CA10: variants seen among roughly 807,000 people sequenced by gnomAD.
The protein encoded by CA10 is carbonic anhydrase 10 (inactive).
A neutral mutation model predicts 44.2 loss-of-function variants in CA10; 14 were observed. The ratio of observed to expected loss-of-function variants is 0.32; its 90% CI spans 0.21 to 0.50. CA10 has a LOEUF of 0.50. Among genes scored for constraint, CA10 ranks in the 20% least tolerant of loss-of-function variants. CA10 has a pLI of 0.99. For missense variants in CA10, 350 were observed against 409.7 expected (o/e 0.85, Z 1.26); for synonymous variants, 159 against 141.6 (o/e 1.12, Z -0.87).
At chr17:51,736,413 A>G (rs940536706) in intron 4 of CA10, among the ~76,000 whole-genome samples, 1 of 152,190 alleles carries the variant, frequency 6.6e-6, no homozygotes, top group Non-Finnish European at 1.5e-5. Flanking sequence ...TCCACACACA[A>G]TTAGTCTTTC....
chr17:52,112,219 G>A (rs1467516260), intron 1 of CA10, among the ~76,000 whole-genome samples: 1 of 151,828 alleles, frequency 6.6e-6, no homozygotes, highest in East Asian at 1.9e-4. Flanking sequence ...AATTTGGTAT[G>A]GGCAATACAA....
At chr17:51,788,652 C>T (rs1440181768) in intron 3 of CA10, among the ~76,000 whole-genome samples, 1 of 152,120 alleles carries the variant, frequency 6.6e-6, no homozygotes, top group Non-Finnish European at 1.5e-5. Flanking sequence ...ACAAACAAAC[C>T]TACTGTAGAG....
At chr17:52,152,145 C>G (rs1395311263) in intron 1 of CA10, among the ~76,000 whole-genome samples, 5 of 152,018 alleles carry the variant, frequency 3.3e-5, no homozygotes, top group Non-Finnish European at 5.9e-5. Context: ...TGTCTACAAT[C>G]TCAAACAGGC....
At chr17:52,072,206 T>G in intron 2 of CA10, 113 bp downstream of exon 2, 1 of 706,216 alleles carries the variant, frequency 1.4e-6, no homozygotes, top group South Asian at 1.8e-5. Flanking sequence ...GAGTATTCAT[T>G]GCACACATAA....
intron 2 of CA10, among the ~76,000 whole-genome samples, chr17:51,938,977 T>A (rs560954180): frequency 1.3e-5 from 2 of 152,086 alleles, no homozygotes; most frequent in African/African-American, 4.8e-5. Context: ...AATGTATGTA[T>A]GGTAACAGGT....
At chr17:51,876,493 T>G (rs1980088031) in intron 3 of CA10, among the ~76,000 whole-genome samples, 1 of 152,014 alleles carries the variant, frequency 6.6e-6, no homozygotes, top group Non-Finnish European at 1.5e-5. Flanking sequence ...TTTTTATTTC[T>G]TTAGTGCAAA....
intron 1 of CA10, among the ~76,000 whole-genome samples, chr17:52,074,338 GT>G (rs1411817697): frequency 2.6e-5 from 4 of 152,128 alleles, no homozygotes; most frequent in Non-Finnish European, 4.4e-5. Flanking sequence ...AAAAATGCAT[GT>G]TTCTAAGATC....
At chr17:52,141,797 A>T (rs923206511) in intron 1 of CA10, among the ~76,000 whole-genome samples, 3 of 152,220 alleles carry the variant, frequency 2.0e-5, no homozygotes, top group African/African-American at 7.2e-5. Flanking sequence ...AGCAGAGACT[A>T]CTGGTGAGAA....
chr17:51,664,158 A>T (rs1414739442), intron 4 of CA10, among the ~76,000 whole-genome samples: 1 of 152,176 alleles, frequency 6.6e-6, no homozygotes, highest in African/African-American at 2.4e-5. Context: ...ATTTAATGTT[A>T]TGTAGTTCAT....
rs111350454 is a variant in CA10 at position 52,051,869 on chromosome 17, G to T, written c.136+20450C>A. ...AACTAGTCACAATAGCAAAGACACGGAATCAACCTAAATGCCCATCAATGA... is the reference window on the plus strand; with the variant it reads ...AACTAGTCACAATAGCAAAGACACGTAATCAACCTAAATGCCCATCAATGA... On this transcript the variant is annotated intron_variant, in intron 2 of 8. Transcript: ENST00000451037. Among the ~76,000 whole-genome samples, 587 of 152,152 alleles carry T rather than the reference G, an allele frequency of 3.9e-3. 5 individuals carry two copies. The highest frequency in any genetic ancestry group is 0.013 in the African/African-American group (558 of 41,518).
rs542567859 is a variant in CA10, at chr17:51,804,921, C to T, written c.280-57103G>A. Among the ~76,000 whole-genome samples the T allele has an allele frequency of 4.6e-5, 7 of 152,240 alleles. No homozygotes were observed. The East Asian group carries it at 1.4e-3, about 29-fold the overall frequency. On this transcript the variant is annotated intron_variant, in intron 3 of 8. Coordinates refer to ENST00000451037, the MANE Select transcript of CA10 (RefSeq NM_020178.5). ...TTAAGTTCCTTAATTGCAAATTTTC[C>T]CACTTTGAGGGTGGAGAACTAGGGA...
At chr17:51,910,509 C>A (rs1317710463) in intron 3 of CA10, among the ~76,000 whole-genome samples, 1 of 152,028 alleles carries the variant, frequency 6.6e-6, no homozygotes, top group East Asian at 1.9e-4. Flanking sequence ...ACAACAAAAA[C>A]AACAACAAAA....
intron 4 of CA10, among the ~76,000 whole-genome samples, chr17:51,692,938 C>T (rs987662440): frequency 1.3e-5 from 2 of 152,284 alleles, no homozygotes; most frequent in Admixed American, 1.3e-4. Context: ...TTTGAATGGT[C>T]TTGGCTGGTG....
chr17:51,853,061 G>A (rs576738700), intron 3 of CA10, among the ~76,000 whole-genome samples: 1 of 152,208 alleles, frequency 6.6e-6, no homozygotes, highest in Non-Finnish European at 1.5e-5. Context: ...AAAACTGAAA[G>A]GAGACAAGCG....
chr17:52,152,366 C>A (rs1989721339), intron 1 of CA10, among the ~76,000 whole-genome samples: 1 of 152,132 alleles, frequency 6.6e-6, no homozygotes, highest in African/African-American at 2.4e-5. Context: ...GGGCTCATCC[C>A]AACTTTCCAG....
At chr17:51,760,669 TGAAA>T in intron 3 of CA10, among the ~76,000 whole-genome samples, 1 of 152,336 alleles carries the variant, frequency 6.6e-6, no homozygotes. Flanking sequence ...TAAAATGAAA[TGAAA>T]GACTCTGTAG....
intron 3 of CA10, among the ~76,000 whole-genome samples, chr17:51,778,984 C>T (rs1472069668): frequency 6.6e-6 from 1 of 152,144 alleles, no homozygotes; most frequent in African/African-American, 2.4e-5. Context: ...GCTGAATTAG[C>T]ACCATTTTAT....
At chr17:51,771,152 C>G (rs1343747814) in intron 3 of CA10, among the ~76,000 whole-genome samples, 1 of 129,568 alleles carries the variant, frequency 7.7e-6, no homozygotes, top group African/African-American at 2.7e-5. Context: ...AAAAAAAGAC[C>G]AGATCTCCTG....
intron 3 of CA10, among the ~76,000 whole-genome samples, chr17:51,909,098 C>A (rs16950751): frequency 6.6e-6 from 1 of 152,114 alleles, no homozygotes; most frequent in African/African-American, 2.4e-5. Flanking sequence ...TATTTCAAAG[C>A]AGCCGTGCTA....
Sources: gnomAD v4.1 joint callset for allele counts (sites outside exome capture counted in the v4.1 genomes callset) on GRCh38, gnomAD v4.1.1 for gene constraint, MANE v1.5 for transcripts, NCBI Gene and HGNC (gene_info 2026-07-23, HGNC 2026-07-21) for gene names.